The following MTA1 variants were observed in gnomAD, a reference collection of about 807,000 sequenced individuals.
MTA1 encodes metastasis associated 1.
Under a neutral mutation model 97.0 loss-of-function variants are expected in MTA1, and 15 were observed. That is an observed-to-expected ratio of 0.15 (90% confidence interval 0.10 to 0.24). The LOEUF (loss-of-function observed/expected upper bound fraction) is 0.24. MTA1 is among the 10% of genes least tolerant of loss of function. The probability of loss-of-function intolerance (pLI) is 1.00; values close to 1 mark genes in which losing one functional copy is unlikely to be tolerated. For missense variants in MTA1, 709 were observed against 1,015.1 expected (o/e 0.70, Z 4.10); for synonymous variants, 435 against 417.5 (o/e 1.04, Z -0.51).
Position 105,464,586 on chromosome 14 carries a change from G to C in MTA1, c.1344+19G>C, listed in dbSNP as rs11845995. On this transcript the variant is annotated intron_variant, in intron 14 of 20. Transcript: ENST00000331320. ...TAACATGGTAAGGGGGGGGACACCCGCCCTGCCTGCCATGAGCCTGTCGGC... is the reference window on the plus strand; with the variant it reads ...TAACATGGTAAGGGGGGGGACACCCCCCCTGCCTGCCATGAGCCTGTCGGC... 7.2e-4 allele frequency: 1,155 copies of C among 1,610,812 alleles called. No individual in the cohort carries two copies. Among genetic ancestry groups the C allele is most frequent in the East Asian group, 3.7e-3 (165 of 44,674 alleles).
rs888035076 is a variant in MTA1, at chr14:105,460,493, G to C, written c.753+36G>C. ...CCAGGGCGGGACAGGTGAGACCTGG[G>C]GTGGCCCATGGCCCAGAGTGGCTGC... On this transcript the variant is annotated intron_variant, in intron 9 of 20. Transcript: ENST00000331320. The C allele has an allele frequency of 3.8e-6, 6 of 1,560,772 alleles. No homozygotes were observed. In the Admixed American group the frequency reaches 5.7e-5, roughly 15 times the overall value.
chr14:105,466,754 A>T lies in MTA1; in HGVS notation c.1813+12A>T. The stretch of plus-strand genomic sequence containing the variant: ...GATGCCCAGTAGGGGTAAGGCCTGG[A>T]GCCGCGGGCGGGCGCTGCGCCGGCC... On this transcript the variant is annotated intron_variant, in intron 18 of 20. Coordinates refer to ENST00000331320, the MANE Select transcript of MTA1 (RefSeq NM_004689.4). 1 of 1,572,004 alleles carries T rather than the reference A, an allele frequency of 6.4e-7. No homozygotes were observed.
rs1293027331 is a variant in MTA1 at position 105,463,389 on chromosome 14, G to A, written c.1018-104G>A. On this transcript the variant is annotated intron_variant, in intron 11 of 20. Coordinates refer to ENST00000331320, the MANE Select transcript of MTA1 (RefSeq NM_004689.4). This position sits in a 1 kb window ranked among gnomAD's most constrained non-coding sequence, Gnocchi z 5.9. ...AGACTCCTGAGTCCCTGGCCCGGCT[G>A]TCCTCTCCGTGGTGCTCTCCTCTCC... is the stretch of plus-strand genomic sequence containing the variant. The A allele has an allele frequency of 1.3e-6, 2 of 1,502,802 alleles. No individual in the cohort carries two copies. The highest frequency in any genetic ancestry group is 2.3e-5 in the South Asian group (2 of 88,126). The allele number at this position is 1,502,802 out of a possible 1,614,324, so 93.1% of individuals were successfully genotyped here.
intron 2 of MTA1, among the ~76,000 whole-genome samples, chr14:105,440,274 G>A (rs1011698035): frequency 1.3e-5 from 2 of 152,266 alleles, no homozygotes; most frequent in Non-Finnish European, 2.9e-5. Context: ...CCAGCATGTG[G>A]ACTGTAGGGA....
chr14:105,442,994 G>A (rs1375420692), intron 2 of MTA1, among the ~76,000 whole-genome samples: 6 of 152,228 alleles, frequency 3.9e-5, no homozygotes, highest in Admixed American at 6.5e-5. Context: ...CCAGCTGCCC[G>A]GGTGGGGTGG....
In MTA1 at chr14:105,463,968, G is replaced by A; in HGVS notation, c.1077-64G>A. 6.5e-7 allele frequency: 1 copy of A among 1,527,730 alleles called. No individual in the cohort carries two copies. The highest frequency in any genetic ancestry group is 1.1e-5 in the South Asian group (1 of 88,736). The allele number at this position is 1,527,730 out of a possible 1,614,324, so 94.6% of individuals were successfully genotyped here. ...GGGTGGTCAGCCGCGGTGCCTGCTG[G>A]GCACATGGGCCCTCGAGGTTTGTGC... On this transcript the variant is annotated intron_variant, in intron 12 of 20. Coordinates refer to ENST00000331320, the MANE Select transcript of MTA1 (RefSeq NM_004689.4). The surrounding 1 kb of genome is among the most constrained non-coding windows in gnomAD (Gnocchi z 5.9).
chr14:105,437,004 G>A (rs948013219), intron 1 of MTA1, among the ~76,000 whole-genome samples: 11 of 152,212 alleles, frequency 7.2e-5, no homozygotes, highest in South Asian at 2.1e-4. Flanking sequence ...TGCAGGGAAC[G>A]CTCACTGCTG....
chr14:105,454,022 A>G (rs587741149), intron 6 of MTA1, among the ~76,000 whole-genome samples, 171 bp from the exon 7 acceptor site: 2 of 152,254 alleles, frequency 1.3e-5, no homozygotes, highest in Admixed American at 1.3e-4. Flanking sequence ...CCTCCCAGGC[A>G]TGGCCGGGAG....
At chr14:105,461,096 T>C (rs7143148) in intron 10 of MTA1, 143 bp downstream of exon 10, 214,751 of 880,616 alleles carry the variant, frequency 0.24, 28,626 homozygotes, top group Middle Eastern at 0.31. Context: ...GCATGAGTTC[T>C]GTCTCAGCTG....
At chr14:105,437,385 ATG>A (rs1454964231) in intron 1 of MTA1, among the ~76,000 whole-genome samples, 10 of 150,970 alleles carry the variant, frequency 6.6e-5, no homozygotes, top group Non-Finnish European at 1.3e-4. Flanking sequence ...GTGTGTCCTC[ATG>A]GGAGTGTCCT....
intron 7 of MTA1, among the ~76,000 whole-genome samples, chr14:105,456,115 A>G (rs782178178): frequency 2.0e-5 from 3 of 152,126 alleles, no homozygotes; most frequent in Non-Finnish European, 4.4e-5. Context: ...GTGCCCTGCT[A>G]TCATGCCAGG....
At chr14:105,444,144 C>T (rs1247648512) in intron 2 of MTA1, among the ~76,000 whole-genome samples, 11 of 151,514 alleles carry the variant, frequency 7.3e-5, no homozygotes, top group African/African-American at 1.5e-4. Flanking sequence ...GAGACCAAGA[C>T]GGGCGGATCA....
In MTA1 at chr14:105,466,428, A is replaced by ACCCACCCCCCCCCC; in HGVS notation, c.1636_1637insCCCCCCCCACCCCC (p.Arg546ProfsTer13). 1 of 795,154 alleles carries ACCCACCCCCCCCCC rather than the reference A, an allele frequency of 1.3e-6. No homozygotes were observed. The highest frequency in any genetic ancestry group is 2.1e-6 in the Non-Finnish European group (1 of 474,352). The allele number at this position is 795,154 out of a possible 1,614,324, so 49.3% of individuals were successfully genotyped here. A position where few individuals can be genotyped will look rare whatever the true frequency, so the allele number is the denominator to read the frequency against. On this transcript the variant is annotated frameshift_variant, in exon 17 of 21. Coordinates refer to ENST00000331320, the MANE Select transcript of MTA1 (RefSeq NM_004689.4). LOFTEE classifies it high-confidence loss of function. ...TCTGCCTGTGTCATTCCCGGCAGAGACCCACCCCCGCCCCCCCAAGCCTGA... is the reference window on the plus strand; with the variant it reads ...TCTGCCTGTGTCATTCCCGGCAGAGACCCACCCCCCCCCCCCCACCCCCGCCCCCCCAAGCCTGA...
chr14:105,455,270 G>A (rs1235327520), intron 7 of MTA1, among the ~76,000 whole-genome samples: 1 of 152,252 alleles, frequency 6.6e-6, no homozygotes, highest in Non-Finnish European at 1.5e-5. Context: ...CACGTTTCTT[G>A]TCTTGCCTGT....
At chr14:105,442,430 G>A (rs1036786750) in intron 2 of MTA1, among the ~76,000 whole-genome samples, 1 of 152,258 alleles carries the variant, frequency 6.6e-6, no homozygotes, top group Non-Finnish European at 1.5e-5. Context: ...GCTCTGGGAG[G>A]GGCCTCGCAG....
rs139691205 is a variant in MTA1 at position 105,447,824 on chromosome 14, C to A, written c.191-1535C>A. Among the ~76,000 whole-genome samples the A allele has an allele frequency of 7.9e-4, 120 of 152,320 alleles. 4 individuals are homozygous for A. In the East Asian group the frequency reaches 0.013, roughly 16 times the overall value. ...GCGGTGATTCTGCAGGGCCCACACCCCCCGGGGTTGTGTCAATCTCCGTTT... is the reference window on the plus strand; with the variant it reads ...GCGGTGATTCTGCAGGGCCCACACCACCCGGGGTTGTGTCAATCTCCGTTT... On this transcript the variant is annotated intron_variant, in intron 3 of 20. Transcript: ENST00000331320.
Position 105,424,098 on chromosome 14 carries a change from G to T in MTA1, c.28+4035G>T, listed in dbSNP as rs1267672795. Among the ~76,000 whole-genome samples the T allele has an allele frequency of 2.0e-5, 3 of 152,232 alleles. No individual in the cohort carries two copies. The highest frequency in any genetic ancestry group is 6.5e-5 in the Admixed American group (1 of 15,286). On this transcript the variant is annotated intron_variant, in intron 1 of 20. Transcript: ENST00000331320. This position sits in a 1 kb window ranked among gnomAD's most constrained non-coding sequence, Gnocchi z 4.0. ...CTGTCCCACTTGGCCTGTGAGGATC[G>T]GCCTCAGCACTGCGCCATTGGCAGC...
rs1441935756 is a variant in MTA1 at position 105,443,898 on chromosome 14, G to A, written c.97-1520G>A. Among the ~76,000 whole-genome samples the A allele has an allele frequency of 2.6e-5, 4 of 152,200 alleles. No individual in the cohort carries two copies. In the East Asian group the frequency reaches 7.7e-4, roughly 29 times the overall value. The stretch of plus-strand genomic sequence containing the variant: ...GAGGTCAGGAGATAGAGACCATCCT[G>A]GCCAACATGGTAAAACCCCGTCTCT... On this transcript the variant is annotated intron_variant, in intron 2 of 20. Transcript: ENST00000331320.
At chr14:105,450,441 G>C (rs2082879883) in intron 6 of MTA1, 117 bp downstream of exon 6, 1 of 1,182,876 alleles carries the variant, frequency 8.5e-7, no homozygotes, top group Non-Finnish European at 1.2e-6. Flanking sequence ...TCTAGGCCCA[G>C]GCTGTTCTGG....
Sources: allele counts gnomAD v4.1 joint callset (sites outside exome capture counted in the v4.1 genomes callset), GRCh38; gene constraint gnomAD v4.1.1; non-coding constraint Gnocchi (gnomAD v3.1); transcripts MANE v1.5; gene names NCBI Gene and HGNC (gene_info 2026-07-23, HGNC 2026-07-21).